Variants in ROBO1 observed in about 807,000 individuals in gnomAD.
ROBO1 encodes roundabout guidance receptor 1.
Under a neutral mutation model 195.9 loss-of-function variants are expected in ROBO1, and 149 were observed. The observed-to-expected ratio is 0.76, with a 90% CI of 0.67 to 0.87. The LOEUF is 0.87. Among genes scored for constraint, ROBO1 ranks in the 40% least tolerant of loss-of-function variants. ROBO1 has a pLI of 0.00. For missense variants in ROBO1, 1,933 were observed against 2,068.3 expected (o/e 0.93, Z 1.27); for synonymous variants, 816 against 733.2 (o/e 1.11, Z -1.82).
At chr3:78,974,965 T>A (rs568066508) in intron 3 of ROBO1, among the ~76,000 whole-genome samples, 1 of 152,136 alleles carries the variant, frequency 6.6e-6, no homozygotes, top group African/African-American at 2.4e-5. Context: ...CAATAATTTT[T>A]TCCCCAAGAG....
chr3:79,332,016 G>T (rs1447679305), intron 2 of ROBO1, among the ~76,000 whole-genome samples: 2 of 151,878 alleles, frequency 1.3e-5, no homozygotes, highest in Non-Finnish European at 2.9e-5. Flanking sequence ...GGTGGCGGGC[G>T]CCTGTAGTCC....
intron 4 of ROBO1, among the ~76,000 whole-genome samples, chr3:78,754,071 T>C (rs1378624281): frequency 1.3e-5 from 2 of 152,172 alleles, no homozygotes; most frequent in African/African-American, 4.8e-5. Context: ...ACAGGTACGT[T>C]CACAATGACT....
intron 1 of ROBO1, among the ~76,000 whole-genome samples, chr3:79,748,323 A>G (rs1337387480): frequency 6.6e-6 from 1 of 152,208 alleles, no homozygotes; most frequent in East Asian, 1.9e-4. Context: ...AAATACTGTT[A>G]CAAATATTTT....
intron 2 of ROBO1, among the ~76,000 whole-genome samples, chr3:79,204,925 T>A (rs2081838517): frequency 6.6e-6 from 1 of 152,118 alleles, no homozygotes; most frequent in Non-Finnish European, 1.5e-5. Context: ...TTTTGTTTGT[T>A]TGTTTTTTAA....
chr3:79,099,402 T>C (rs1259579757), intron 3 of ROBO1, among the ~76,000 whole-genome samples: 5 of 151,660 alleles, frequency 3.3e-5, no homozygotes, highest in African/African-American at 1.2e-4. Context: ...AAGAACCACC[T>C]AAGTGCCAGT....
At chr3:78,629,766 C>A (rs1705064777) in intron 25 of ROBO1, among the ~76,000 whole-genome samples, 1 of 152,028 alleles carries the variant, frequency 6.6e-6, no homozygotes, top group Admixed American at 6.6e-5. Flanking sequence ...TTTGTAAACC[C>A]CCAAATTGGT....
chr3:79,159,531 C>A (rs1474237270), intron 2 of ROBO1, among the ~76,000 whole-genome samples: 4 of 151,822 alleles, frequency 2.6e-5, no homozygotes, highest in Admixed American at 2.6e-4. Context: ...TAATTAGAAA[C>A]GTTTAAATTC....
chr3:78,850,366 A>G (rs1357818058), intron 4 of ROBO1, among the ~76,000 whole-genome samples: 4 of 152,236 alleles, frequency 2.6e-5, no homozygotes, highest in Admixed American at 2.6e-4. Context: ...TATATTTTAA[A>G]ATTTCTCAGC....
chr3:79,628,574 T>A (rs568216280), intron 1 of ROBO1, among the ~76,000 whole-genome samples: 1 of 152,192 alleles, frequency 6.6e-6, no homozygotes, highest in South Asian at 2.1e-4. Flanking sequence ...AACAAACCTG[T>A]ACGTTCTGCA....
chr3:78,898,426 C>T (rs766968735), intron 4 of ROBO1, among the ~76,000 whole-genome samples: 15 of 116,358 alleles, frequency 1.3e-4, no homozygotes, highest in Non-Finnish European at 2.1e-4. Flanking sequence ...CTTGCTCTGT[C>T]GCCCAGGCTG....
chr3:79,748,939 G>T (rs1458370056), intron 1 of ROBO1, among the ~76,000 whole-genome samples: 1 of 152,128 alleles, frequency 6.6e-6, no homozygotes, highest in Non-Finnish European at 1.5e-5. Context: ...GTACAGTGGG[G>T]TCCTGCTGAA....
intron 2 of ROBO1, among the ~76,000 whole-genome samples, chr3:79,528,558 T>A (rs1941526967): frequency 1.3e-5 from 2 of 152,206 alleles, no homozygotes; most frequent in Admixed American, 1.3e-4. Context: ...ACTGAGAATC[T>A]CTCGTCTTTA....
At chr3:78,603,765 A>G (rs1050858100) in intron 29 of ROBO1, among the ~76,000 whole-genome samples, 10 of 152,164 alleles carry the variant, frequency 6.6e-5, no homozygotes, top group African/African-American at 1.9e-4. Flanking sequence ...GCATATATAC[A>G]TAGGGTTATG....
chr3:78,984,449 C>T (rs1318636466), intron 3 of ROBO1, among the ~76,000 whole-genome samples: 1 of 152,122 alleles, frequency 6.6e-6, no homozygotes, highest in Non-Finnish European at 1.5e-5. Flanking sequence ...AGGTTCACAA[C>T]AGAAGGATGT....
chr3:78,909,942 C>A (rs1432440941), intron 4 of ROBO1, among the ~76,000 whole-genome samples: 3 of 151,526 alleles, frequency 2.0e-5, no homozygotes, highest in Non-Finnish European at 4.4e-5. Flanking sequence ...CTATAAAAAT[C>A]AATGATGCTG....
At chr3:79,378,891 A>G (rs538331029) in intron 2 of ROBO1, among the ~76,000 whole-genome samples, 46 of 152,322 alleles carry the variant, frequency 3.0e-4, no homozygotes, top group South Asian at 4.1e-4. Flanking sequence ...CTTCCTGTGT[A>G]ACCCTGAACA....
intron 2 of ROBO1, among the ~76,000 whole-genome samples, chr3:79,465,962 A>G (rs1937933838): frequency 6.6e-6 from 1 of 152,090 alleles, no homozygotes; most frequent in Non-Finnish European, 1.5e-5. Context: ...TGGTCATTTT[A>G]AAACAATCTT....
intron 2 of ROBO1, among the ~76,000 whole-genome samples, chr3:79,276,909 A>T (rs2108989430): frequency 6.6e-6 from 1 of 152,256 alleles, no homozygotes; most frequent in Non-Finnish European, 1.5e-5. Flanking sequence ...AATCAAAAAT[A>T]CAGTGAGATA....
chr3:78,950,211 C>G (rs368047945), intron 3 of ROBO1, among the ~76,000 whole-genome samples: 1 of 152,008 alleles, frequency 6.6e-6, no homozygotes, highest in South Asian at 2.1e-4. Flanking sequence ...CACATGCACA[C>G]GTATGTTTAC....
Sources: allele counts gnomAD v4.1 joint callset (sites outside exome capture counted in the v4.1 genomes callset), GRCh38; gene constraint gnomAD v4.1.1; transcripts MANE v1.5; gene names NCBI Gene and HGNC (gene_info 2026-07-23, HGNC 2026-07-21).